The following BMPR1A variants were observed in gnomAD, a reference collection of about 807,000 sequenced individuals.
BMPR1A encodes the protein bone morphogenetic protein receptor type 1A.
BMPR1A carries 7 observed loss-of-function variants against 66.0 expected under a neutral mutation model. That is an observed-to-expected ratio of 0.11 (90% CI 0.06 to 0.20). BMPR1A has a LOEUF of 0.20. BMPR1A is among the 10% of genes least tolerant of loss of function. The probability of loss-of-function intolerance (pLI) is 1.00; values close to 1 mark genes in which losing one functional copy is unlikely to be tolerated. For synonymous variants in BMPR1A, 200 were observed against 229.7 expected, an observed-to-expected ratio of 0.87 and a Z score of 1.17; for missense variants, 408 against 669.1, an observed-to-expected ratio of 0.61 and a Z score of 4.31.
intron 1 of BMPR1A, among the ~76,000 whole-genome samples, chr10:86,822,657 G>T (rs997878271): frequency 1.3e-5 from 2 of 150,814 alleles, no homozygotes; most frequent in Non-Finnish European, 3.0e-5. Context: ...TTTATTTTGA[G>T]GCAGAGTCTT....
At position 86,814,424 on chromosome 10, in the gene BMPR1A, T is replaced by C. The variant is rs555306344; in HGVS notation, c.-267-24441T>C. Among the ~76,000 whole-genome samples the C allele has an allele frequency of 3.0e-4, 46 of 152,288 alleles. No individual in the cohort carries two copies. In the South Asian group the frequency reaches 9.3e-3, roughly 31 times the overall value. On this transcript the variant is annotated intron_variant, in intron 1 of 12. Transcript: ENST00000372037. Reference sequence around the variant, plus strand: ...TTTTGTTGCTTTCTTTAGAATCCTATTATTTCATCATTTCGTTTTTGGTTT... The same window carrying C: ...TTTTGTTGCTTTCTTTAGAATCCTACTATTTCATCATTTCGTTTTTGGTTT...
chr10:86,856,444 A>G (rs1255631850), intron 2 of BMPR1A, among the ~76,000 whole-genome samples: 1 of 152,132 alleles, frequency 6.6e-6, no homozygotes, highest in Admixed American at 6.5e-5. Flanking sequence ...ATTCTTTTAA[A>G]CTGTCCATGT....
chr10:86,908,576 G>C (rs961763004), intron 7 of BMPR1A, among the ~76,000 whole-genome samples: 9 of 152,120 alleles, frequency 5.9e-5, no homozygotes, highest in South Asian at 2.1e-4. Context: ...CAGAAGGAAG[G>C]GTTTTTCTCT....
At chr10:86,832,481 AAG>A (rs1289161850) in intron 1 of BMPR1A, among the ~76,000 whole-genome samples, 221 of 152,118 alleles carry the variant, frequency 1.5e-3, no homozygotes, top group Non-Finnish European at 2.5e-3. Flanking sequence ...AAAAAAAAAA[AAG>A]AAATCATTGA....
chr10:86,904,450 T>C (rs1843356562), intron 7 of BMPR1A, among the ~76,000 whole-genome samples: 1 of 152,180 alleles, frequency 6.6e-6, no homozygotes, highest in Admixed American at 6.5e-5. Context: ...CCAACATCTT[T>C]AAAGTGCCCA....
At chr10:86,760,054 C>G (rs1202415659) in intron 1 of BMPR1A, among the ~76,000 whole-genome samples, 1 of 127,072 alleles carries the variant, frequency 7.9e-6, no homozygotes, top group Non-Finnish European at 1.6e-5. Flanking sequence ...CTTCACTTTT[C>G]TCCTTTATCT....
At chr10:86,803,392 A>G (rs1841840209) in intron 1 of BMPR1A, among the ~76,000 whole-genome samples, 3 of 152,128 alleles carry the variant, frequency 2.0e-5, no homozygotes, top group South Asian at 4.1e-4. Flanking sequence ...TTTAATAACA[A>G]TTTACATCAG....
chr10:86,785,829 G>C (rs958121719), intron 1 of BMPR1A, among the ~76,000 whole-genome samples: 3 of 152,092 alleles, frequency 2.0e-5, no homozygotes, highest in African/African-American at 7.2e-5. Context: ...TTACAGCTGC[G>C]CTTGGCTGGA....
intron 1 of BMPR1A, among the ~76,000 whole-genome samples, chr10:86,805,022 T>G (rs764109371): frequency 6.6e-6 from 1 of 152,106 alleles, no homozygotes; most frequent in Non-Finnish European, 1.5e-5. Flanking sequence ...GGGTTTCAGA[T>G]GGCAGTTTTA....
intron 1 of BMPR1A, among the ~76,000 whole-genome samples, chr10:86,830,825 G>C (rs914622602): frequency 6.6e-6 from 1 of 151,544 alleles, no homozygotes. Context: ...TTTTAATTTT[G>C]TTGAAGTTCA....
intron 1 of BMPR1A, among the ~76,000 whole-genome samples, chr10:86,795,833 T>A (rs1841701517): frequency 6.6e-6 from 1 of 152,234 alleles, no homozygotes; most frequent in Non-Finnish European, 1.5e-5. Flanking sequence ...AAATATTTTC[T>A]TTGAGAGCTT....
chr10:86,906,679 G>C (rs571511126), intron 7 of BMPR1A, among the ~76,000 whole-genome samples: 1 of 32,724 alleles, frequency 3.1e-5, no homozygotes, highest in Admixed American at 3.5e-4. Flanking sequence ...AGCCGACATC[G>C]CGCCACTGCA....
At chr10:86,771,811 G>T (rs1841266875) in intron 1 of BMPR1A, among the ~76,000 whole-genome samples, 1 of 152,186 alleles carries the variant, frequency 6.6e-6, no homozygotes, top group Non-Finnish European at 1.5e-5. Flanking sequence ...CCCCAGGCAG[G>T]AGTGCAGTGG....
At chr10:86,787,889 C>G (rs868765254) in intron 1 of BMPR1A, among the ~76,000 whole-genome samples, 3 of 151,842 alleles carry the variant, frequency 2.0e-5, no homozygotes, top group Non-Finnish European at 2.9e-5. Context: ...TCTGCCCCCC[C>G]CCATAATCCA....
At position 86,890,312 on chromosome 10, in the gene BMPR1A, T is replaced by G. The variant is rs1589763531; in HGVS notation, c.230+88T>G. 7 of 1,515,290 alleles carry G rather than the reference T, an allele frequency of 4.6e-6. No individual in the cohort carries two copies. In the East Asian group the frequency reaches 1.4e-4, roughly 30 times the overall value. The allele number at this position is 1,515,290 out of a possible 1,614,324, so 93.9% of individuals were successfully genotyped here. A position where few individuals can be genotyped will look rare whatever the true frequency, so the allele number is the denominator to read the frequency against. ...TAAGAATTATTAAACTTGTCTGCGG[T>G]TTTTTTTTCATTCATATATAGTATC... On this transcript the variant is annotated intron_variant, in intron 4 of 12. Coordinates refer to ENST00000372037, the MANE Select transcript of BMPR1A (RefSeq NM_004329.3).
At chr10:86,858,012 G>A (rs1336725909) in intron 2 of BMPR1A, among the ~76,000 whole-genome samples, 1 of 152,010 alleles carries the variant, frequency 6.6e-6, no homozygotes, top group Non-Finnish European at 1.5e-5. Context: ...AAAGGAATTA[G>A]TTTCCACCTC....
At chr10:86,880,014 A>C (rs150633961) in intron 3 of BMPR1A, among the ~76,000 whole-genome samples, 84 of 152,164 alleles carry the variant, frequency 5.5e-4, no homozygotes, top group African/African-American at 2.0e-3. Flanking sequence ...TCTGAGCTGG[A>C]ATTAGTGGAG....
chr10:86,889,862 C>T (rs1843122222), intron 3 of BMPR1A, 200 bp from the exon 4 acceptor site: 3 of 624,840 alleles, frequency 4.8e-6, no homozygotes, highest in Middle Eastern at 4.5e-4. Flanking sequence ...TTCATGTACC[C>T]CGCAATACCT....
chr10:86,786,889 C>A (rs994944176), intron 1 of BMPR1A, among the ~76,000 whole-genome samples: 2 of 152,198 alleles, frequency 1.3e-5, no homozygotes, highest in African/African-American at 4.8e-5. Flanking sequence ...AATCTATTTT[C>A]TTCTGCTTTA....
Sources: allele counts gnomAD v4.1 joint callset (sites outside exome capture counted in the v4.1 genomes callset), GRCh38; gene constraint gnomAD v4.1.1; transcripts MANE v1.5; gene names NCBI Gene and HGNC (gene_info 2026-07-23, HGNC 2026-07-21).